Variants in LAMA3 observed in about 807,000 individuals in gnomAD.
The protein encoded by LAMA3 is laminin subunit alpha 3.
Under a neutral mutation model 402.0 loss-of-function variants are expected in LAMA3, and 281 were observed. That is an observed-to-expected ratio of 0.70 (90% CI 0.63 to 0.77). The LOEUF (loss-of-function observed/expected upper bound fraction) is 0.77, where lower values mean the gene tolerates loss of function less well. LAMA3 is among the 30% of genes least tolerant of loss of function. LAMA3 has a pLI of 0.00. For synonymous variants in LAMA3, 1,431 were observed against 1,558.4 expected (o/e 0.92, Z 1.93); for missense variants, 3,840 against 4,215.5 (o/e 0.91, Z 2.47).
chr18:23,953,239 G>A (rs1476329937), intron 74 of LAMA3, 130 bp downstream of exon 74: 9 of 1,221,042 alleles, frequency 7.4e-6, no homozygotes, highest in South Asian at 4.9e-5. Context: ...GGCATGTGGG[G>A]AAAGGCAGTT....
chr18:23,707,580 CA>C (rs1446120133), intron 1 of LAMA3, among the ~76,000 whole-genome samples: 1 of 152,122 alleles, frequency 6.6e-6, no homozygotes, highest in Non-Finnish European at 1.5e-5. Context: ...ATCACTTTTG[CA>C]TTGTAAATAT....
At chr18:23,698,709 C>T (rs1461957401) in intron 1 of LAMA3, among the ~76,000 whole-genome samples, 7 of 152,190 alleles carry the variant, frequency 4.6e-5, no homozygotes, top group African/African-American at 7.2e-5. Flanking sequence ...AGCGTGCCCA[C>T]GCACTTGTGG....
At chr18:23,740,366 A>C (rs780134566) in intron 2 of LAMA3, among the ~76,000 whole-genome samples, 1 of 152,156 alleles carries the variant, frequency 6.6e-6, no homozygotes, top group Non-Finnish European at 1.5e-5. Context: ...ATACGTATAA[A>C]ATCTATGTGT....
Position 23,700,667 on chromosome 18 carries a change from G to A in LAMA3, c.294+10690G>A, listed in dbSNP as rs2060775326. Among the ~76,000 whole-genome samples the A allele has an allele frequency of 5.9e-5, 9 of 152,252 alleles. No homozygotes were observed. In the South Asian group the frequency reaches 1.9e-3, roughly 32 times the overall value. ...TAAATCATAATGCATCTGGAACACA[G>A]TTAGTGTTTAATAAATGGTAACTTT... On this transcript the variant is annotated intron_variant, in intron 1 of 74. Coordinates refer to ENST00000313654, the MANE Select transcript of LAMA3 (RefSeq NM_198129.4).
intron 41 of LAMA3, among the ~76,000 whole-genome samples, chr18:23,885,326 C>T (rs1302734914): frequency 7.8e-6 from 1 of 128,654 alleles, no homozygotes; most frequent in Non-Finnish European, 1.7e-5. Context: ...TAGATAGCCC[C>T]CCCACCCCCC....
intron 12 of LAMA3, among the ~76,000 whole-genome samples, chr18:23,795,868 C>A (rs1030817634): frequency 1.3e-5 from 2 of 152,046 alleles, no homozygotes; most frequent in African/African-American, 4.8e-5. Context: ...TATGTTGAAG[C>A]CCTAACCCCC....
Position 23,928,290 on chromosome 18 carries a change from C to T in LAMA3, c.8295+50C>T, listed in dbSNP as rs1373261330. ...GAAGGAGTGCTTCCCAGCCAACCCA[C>T]CTTCCGTATCCATTAACGCAGCAAC... On this transcript the variant is annotated intron_variant, in intron 63 of 74. Transcript: ENST00000313654. 4.4e-6 allele frequency: 5 copies of T among 1,148,426 alleles called. No individual in the cohort carries two copies. In the South Asian group the frequency reaches 6.2e-5, roughly 14 times the overall value. 71.1% of individuals were successfully genotyped at this position (1,148,426 alleles called of 1,614,324 possible).
intron 23 of LAMA3, among the ~76,000 whole-genome samples, chr18:23,833,503 G>A (rs2063524582): frequency 6.6e-6 from 1 of 152,140 alleles, no homozygotes; most frequent in African/African-American, 2.4e-5. Context: ...TGAGAAACAA[G>A]CAGCAAAAAC....
At chr18:23,952,586 G>A (rs1450134656) in intron 73 of LAMA3, among the ~76,000 whole-genome samples, 1 of 152,192 alleles carries the variant, frequency 6.6e-6, no homozygotes, top group African/African-American at 2.4e-5. Context: ...CAAAAGAGCT[G>A]TCTTTGGCAT....
intron 54 of LAMA3, 126 bp downstream of exon 54, chr18:23,908,061 C>A: frequency 2.3e-6 from 2 of 877,518 alleles, no homozygotes; most frequent in Non-Finnish European, 3.8e-6. Context: ...ACAGCTCCAC[C>A]TGATACAGGA....
intron 12 of LAMA3, among the ~76,000 whole-genome samples, chr18:23,804,252 A>C (rs1380829655): frequency 6.6e-6 from 1 of 152,208 alleles, no homozygotes; most frequent in East Asian, 1.9e-4. Context: ...TGAAGGCTCC[A>C]AAAAGCATCC....
At position 23,912,713 on chromosome 18, in the gene LAMA3, T is replaced by C. The variant is rs930568261; in HGVS notation, c.7161T>C (p.Val2387=). Residue 2387 remains valine (V), a splice_region_variant and synonymous_variant, in exon 56 of 75, where the codon GTT becomes GTC. Coordinates refer to ENST00000313654, the MANE Select transcript of LAMA3 (RefSeq NM_198129.4). ...ACCATGTAACTTACTCCTCACAGGT[T>C]GCTGTCCCCATGAGGTTCAATGGTA... The part of the protein sequence containing the change: ...IQQARDAASK[V]AVPMRFNGKS... 8.1e-6 allele frequency: 13 copies of C among 1,613,240 alleles called. No individual in the cohort carries two copies. In the African/African-American group the frequency reaches 1.7e-4, roughly 22 times the overall value.
chr18:23,820,479 A>G lies in LAMA3; in HGVS notation c.2304+482A>G, dbSNP rs77414642. Among the ~76,000 whole-genome samples, 351 of 152,344 alleles carry G rather than the reference A, an allele frequency of 2.3e-3. 3 individuals are homozygous for G. Among genetic ancestry groups the G allele is most frequent in the African/African-American group, 8.0e-3 (332 of 41,574 alleles). On this transcript the variant is annotated intron_variant, in intron 19 of 74. Transcript: ENST00000313654. ...GCTATGTACGTGGAAACTAAGATAA[A>G]TAATGAATGTTTGTTAGTTAAGTGC...
intron 29 of LAMA3, among the ~76,000 whole-genome samples, chr18:23,843,587 C>T (rs1011130517): frequency 7.2e-5 from 11 of 152,196 alleles, no homozygotes; most frequent in Non-Finnish European, 1.2e-4. Flanking sequence ...TGTTCCACCT[C>T]CTTCCAGTGC....
chr18:23,943,729 T>G, intron 68 of LAMA3, 59 bp from the exon 69 acceptor site: 26 of 1,521,648 alleles, frequency 1.7e-5, no homozygotes, highest in South Asian at 2.2e-5. Flanking sequence ...GTCTCAGTGC[T>G]GAGATTCGAA....
At chr18:23,703,648 T>TA (rs957514198) in intron 1 of LAMA3, among the ~76,000 whole-genome samples, 153 of 150,882 alleles carry the variant, frequency 1.0e-3, no homozygotes, top group African/African-American at 2.8e-3. Flanking sequence ...TAATAATAAT[T>TA]AAAAAAAAAG....
At chr18:23,919,050 A>G (rs545219983) in intron 60 of LAMA3, among the ~76,000 whole-genome samples, 4 of 152,346 alleles carry the variant, frequency 2.6e-5, no homozygotes, top group African/African-American at 9.6e-5. Flanking sequence ...GGAGACTAAG[A>G]ACCAGAAATA....
At position 23,773,576 on chromosome 18, in the gene LAMA3, A is replaced by T. The variant is rs1230142156; in HGVS notation, c.1262A>T (p.Asp421Val). The T allele has an allele frequency of 5.1e-6, 8 of 1,582,420 alleles. No individual in the cohort carries two copies. The highest frequency in any genetic ancestry group is 1.7e-4 in the Middle Eastern group (1 of 5,930). The change falls in exon 9 of 75, where the codon GAT becomes GTT. Residue 421 changes from aspartate to valine, a missense_variant. Transcript: ENST00000313654. The part of the protein sequence containing the change: ...RPYGVPVDAP[D>V]GCIPCSCDPE... ...TATGGGGTTCCAGTGGATGCCCCTG[A>T]TGGCTGCATCCGTAAGTTTCATTTC...
chr18:23,894,467 G>A (rs1160555394), intron 43 of LAMA3, 119 bp downstream of exon 43: 2 of 886,166 alleles, frequency 2.3e-6, no homozygotes, highest in Admixed American at 3.7e-5. Flanking sequence ...GGAGGAGGTG[G>A]AAGGACTACT....
Sources: gnomAD v4.1 joint callset for allele counts (sites outside exome capture counted in the v4.1 genomes callset) on GRCh38, gnomAD v4.1.1 for gene constraint, MANE v1.5 for transcripts, NCBI Gene and HGNC (gene_info 2026-07-23, HGNC 2026-07-21) for gene names.